The following CPNE7 variants were observed in gnomAD, a reference collection of about 807,000 sequenced individuals.
CPNE7 encodes the protein copine-7.
In CPNE7, 78 loss-of-function variants were observed where a neutral mutation model predicts 66.5. The ratio of observed to expected loss-of-function variants is 1.17; its 90% CI spans 0.98 to 1.42. CPNE7 has a LOEUF of 1.42. Among genes scored for constraint, CPNE7 ranks in the 40% most tolerant of loss-of-function variants. CPNE7 has a pLI of 0.00. For synonymous variants in CPNE7, 468 were observed against 336.7 expected (o/e 1.39, Z -4.27); for missense variants, 1,012 against 776.6 (o/e 1.30, Z -3.60).
chr16:89,583,973 C>T (rs1030406384), intron 3 of CPNE7, 55 bp from the exon 4 acceptor site: 189 of 1,582,762 alleles, frequency 1.2e-4, no homozygotes, highest in Non-Finnish European at 1.5e-4. Flanking sequence ...TGGTCCCCCA[C>T]GGTGGGGTCA....
Position 89,588,804 on chromosome 16 carries a change from G to C in CPNE7, c.1057G>C (p.Asp353His), listed in dbSNP as rs756452035. ...CGTGGGCGAGATCTGCCAGGACTAT[G>C]ACAGGTGCGCCCACCACCTTCCCCT... ...VSVGEICQDY[D>H]SDKRFSALGF... is the part of the protein sequence containing the mutation. The change falls in exon 10 of 15, where the codon GAC becomes CAC. Residue 353 changes from aspartate (D) to histidine (H), a missense_variant. Asp to His is a moderately conservative substitution (Grantham distance 81, BLOSUM62 -1). Transcript: ENST00000319518. 6.2e-7 allele frequency: 1 copy of C among 1,613,292 alleles called. No individual in the cohort carries two copies. Among genetic ancestry groups the C allele is most frequent in the East Asian group, 2.2e-5 (1 of 44,876 alleles).
intron 10 of CPNE7, 117 bp downstream of exon 10, chr16:89,588,925 G>A: frequency 1.5e-6 from 2 of 1,341,412 alleles, no homozygotes; most frequent in Non-Finnish European, 2.0e-6. Flanking sequence ...GGTGCACCCG[G>A]CCGGTTTTCC....
chr16:89,580,842 A>G (rs899422170), intron 2 of CPNE7, among the ~76,000 whole-genome samples: 1 of 144,986 alleles, frequency 6.9e-6, no homozygotes, highest in Non-Finnish European at 1.5e-5. Flanking sequence ...GTCACCCATC[A>G]CACGGAACAT....
intron 9 of CPNE7, chr16:89,587,454 C>T (rs1211249382): frequency 1.3e-4 from 53 of 418,606 alleles, no homozygotes; most frequent in South Asian, 8.3e-5. Flanking sequence ...CTCCCTTTTG[C>T]GCAGGCGAGG....
intron 14 of CPNE7, chr16:89,596,045 G>T (rs543379779): frequency 3.3e-5 from 15 of 453,948 alleles, no homozygotes; most frequent in African/African-American, 2.0e-4. Flanking sequence ...AGGCCCTACA[G>T]CAAGACGTGC....
At chr16:89,591,424 C>G (rs542630609) in intron 13 of CPNE7, among the ~76,000 whole-genome samples, 164 bp downstream of exon 13, 2 of 152,208 alleles carry the variant, frequency 1.3e-5, no homozygotes, top group Non-Finnish European at 2.9e-5. Flanking sequence ...GACTACGTCT[C>G]CCTCAAAGGT....
Position 89,587,106 on chromosome 16 carries a change from A to T in CPNE7, c.927+4A>T. ...CGGCTGCCAGATCCACTTCACCGTGAGTCCATGGCCCCGCCCCATGCCGCC... is the reference window on the plus strand; with the variant it reads ...CGGCTGCCAGATCCACTTCACCGTGTGTCCATGGCCCCGCCCCATGCCGCC... On this transcript the variant is annotated splice_donor_region_variant and intron_variant, in intron 9 of 14. Coordinates refer to ENST00000319518, the MANE Select transcript of CPNE7 (RefSeq NM_153636.3). 6.5e-7 allele frequency: 1 copy of T among 1,545,776 alleles called. No homozygotes were observed. The highest frequency in any genetic ancestry group is 8.7e-7 in the Non-Finnish European group (1 of 1,145,192).
At chr16:89,576,489 G>GAGCGC (rs1344101304) in intron 1 of CPNE7, among the ~76,000 whole-genome samples, 3 of 152,066 alleles carry the variant, frequency 2.0e-5, no homozygotes, top group Non-Finnish European at 4.4e-5. Flanking sequence ...GCCGGCGAGG[G>GAGCGC]AGCGCGCGCT....
chr16:89,586,360 C>T (rs2059038067), intron 7 of CPNE7, among the ~76,000 whole-genome samples: 1 of 151,914 alleles, frequency 6.6e-6, no homozygotes, highest in Non-Finnish European at 1.5e-5. Flanking sequence ...TGTGTCTGCC[C>T]AGCCCACAGC....
At chr16:89,585,832 G>T (rs1249771872) in intron 7 of CPNE7, 47 bp downstream of exon 7, 4 of 713,036 alleles carry the variant, frequency 5.6e-6, no homozygotes, top group Non-Finnish European at 6.4e-6. Context: ...TCAGGTGGGG[G>T]TGGAGGGGGG....
At position 89,586,890 on chromosome 16, in the gene CPNE7, G is replaced by T. The variant is rs528028436; in HGVS notation, c.867+134G>T. 6.0e-4 allele frequency: 657 copies of T among 1,103,356 alleles called. 1 individual carries two copies. Among genetic ancestry groups the T allele is most frequent in the Admixed American group, 6.6e-4 (33 of 50,130 alleles). 68.3% of individuals were successfully genotyped at this position (1,103,356 alleles called of 1,614,324 possible). On this transcript the variant is annotated intron_variant, in intron 8 of 14. Transcript: ENST00000319518. ...GTCTGGGGAGGGGCTGAGAGACGGG[G>T]AAGGGCGAGGTTGGGGAGAGAGGAT...
intron 13 of CPNE7, among the ~76,000 whole-genome samples, chr16:89,593,812 C>T (rs2059211396): frequency 6.6e-6 from 1 of 152,194 alleles, no homozygotes; most frequent in Non-Finnish European, 1.5e-5. Context: ...TCATAACTTT[C>T]AAAGCAGTAT....
chr16:89,577,773 A>G (rs1394852596), intron 2 of CPNE7, 52 bp downstream of exon 2: 3 of 1,527,856 alleles, frequency 2.0e-6, no homozygotes, highest in East Asian at 4.9e-5. Flanking sequence ...TGGGGGCCAC[A>G]GCCGATTCAA....
rs779031450 is a variant in CPNE7 at position 89,577,658 on chromosome 16, G to C, written c.294G>C (p.Gly98=). 6.3e-7 allele frequency: 1 copy of C among 1,596,932 alleles called. No homozygotes were observed. The highest frequency in any genetic ancestry group is 8.5e-7 in the Non-Finnish European group (1 of 1,171,974). ...RLRFEVYDTH[G]PSGFSCQEDD... ...GCTTTGAGGTGTACGACACGCATGG[G>C]CCCAGCGGCTTCAGCTGTCAGGAGG... Residue 98 remains glycine (G), a synonymous_variant, in exon 2 of 15, where the codon GGG becomes GGC. Transcript: ENST00000319518.
rs2058882406 is a variant in CPNE7 at position 89,577,706 on chromosome 16, G to C, written c.342G>C (p.Glu114Asp). 6.3e-7 allele frequency: 1 copy of C among 1,596,246 alleles called. No homozygotes were observed. Among genetic ancestry groups the C allele is most frequent in the Admixed American group, 1.7e-5 (1 of 57,442 alleles). The change falls in exon 2 of 15, where the codon GAG becomes GAC. Residue 114 changes from glutamate to aspartate, a missense_variant. Transcript: ENST00000319518. ...AGGACGATTTCCTGGGGGGCATGGA[G>C]TGCACCCTGGGGCAGGTGGGTGCCC... The part of the protein sequence containing the change: ...CQEDDFLGGM[E>D]CTLGQIVAQK...
At chr16:89,586,583 C>T (rs192320676) in intron 7 of CPNE7, 87 bp from the exon 8 acceptor site, 93 of 1,090,644 alleles carry the variant, frequency 8.5e-5, no homozygotes, top group Middle Eastern at 4.0e-4. Context: ...CCTCTGCCGT[C>T]GCTATTGGGG....
intron 2 of CPNE7, chr16:89,578,950 A>G (rs746701832): frequency 6.2e-7 from 1 of 1,613,018 alleles, no homozygotes; most frequent in South Asian, 1.1e-5. Context: ...CCTGTGCTGC[A>G]CGGAATCCTC....
chr16:89,594,123 C>G (rs2059216221), intron 13 of CPNE7: 1 of 151,406 alleles, frequency 6.6e-6, no homozygotes, highest in Non-Finnish European at 1.5e-5. Flanking sequence ...GGTCCCTCTC[C>G]TGGACACGAA....
intron 7 of CPNE7, 129 bp from the exon 8 acceptor site, chr16:89,586,541 A>T (rs2059041705): frequency 4.3e-6 from 3 of 692,006 alleles, no homozygotes; most frequent in African/African-American, 1.8e-5. Flanking sequence ...GCCCTGCAGC[A>T]GTGCCCTCCC....
Sources: gnomAD v4.1 joint callset for allele counts (sites outside exome capture counted in the v4.1 genomes callset) on GRCh38, gnomAD v4.1.1 for gene constraint, MANE v1.5 for transcripts, NCBI Gene and HGNC (gene_info 2026-07-23, HGNC 2026-07-21) for gene names.